The following GRIP2 variants were observed in gnomAD, a reference collection of about 807,000 sequenced individuals.
The protein encoded by GRIP2 is glutamate receptor interacting protein 2, also known as glutamate receptor-interacting protein 2.
A neutral mutation model predicts 108.3 loss-of-function variants in GRIP2; 58 were observed. The ratio of observed to expected loss-of-function variants is 0.54; its 90% confidence interval spans 0.43 to 0.67. GRIP2 has a LOEUF of 0.67. Among genes scored for constraint, GRIP2 ranks in the 30% least tolerant of loss-of-function variants. The pLI is 0.00. For missense variants in GRIP2, 1,278 were observed against 1,430.6 expected, an observed-to-expected ratio of 0.89 and a Z score of 1.72; for synonymous variants, 586 against 598.2, an observed-to-expected ratio of 0.98 and a Z score of 0.30.
At chr3:14,508,168 T>C (rs947711311) in intron 17 of GRIP2, among the ~76,000 whole-genome samples, 1 of 152,212 alleles carries the variant, frequency 6.6e-6, no homozygotes. Flanking sequence ...TTCCTGGGCC[T>C]CAGTTTTCCC....
chr3:14,591,519 T>C, the GRIP2 span, among the ~76,000 whole-genome samples: 3 of 152,022 alleles, frequency 2.0e-5, no homozygotes, highest in Non-Finnish European at 4.4e-5. Flanking sequence ...GGAAGATAAA[T>C]GAAATGATAT....
the GRIP2 span, chr3:14,574,183 A>C: frequency 2.3e-6 from 2 of 885,204 alleles, no homozygotes; most frequent in Non-Finnish European, 3.9e-6. Context: ...AAGTGCACGA[A>C]GGTGAGCCAG....
chr3:14,556,894 AG>A (rs995514515), upstream of GRIP2, among the ~76,000 whole-genome samples: 1 of 152,224 alleles, frequency 6.6e-6, no homozygotes, highest in Non-Finnish European at 1.5e-5. Context: ...AGGTGGCTCT[AG>A]AACCCCAGGT....
chr3:14,511,450 TC>T lies in GRIP2; in HGVS notation c.1749del (p.Ile584SerfsTer50). The T allele has an allele frequency of 6.2e-7, 1 of 1,613,764 alleles. No individual in the cohort carries two copies. The highest frequency in any genetic ancestry group is 8.5e-7 in the Non-Finnish European group (1 of 1,179,882). The part of the protein sequence containing the change: ...SSASRKRGEP[L>X]IISDIKKGSV... ...CTGCCTTTCTTGATGTCGGAGATGATCAAGGGCTCCCCTCGTTTCCTGCTGG... is the reference window on the plus strand; with the variant it reads ...CTGCCTTTCTTGATGTCGGAGATGATAAGGGCTCCCCTCGTTTCCTGCTGG... On this transcript the variant is annotated frameshift_variant, in exon 15 of 24. Transcript: ENST00000621039. LOFTEE classifies it high-confidence loss of function. This position sits in a 1 kb window ranked among gnomAD's most constrained non-coding sequence, Gnocchi z 4.1.
the GRIP2 span, among the ~76,000 whole-genome samples, chr3:14,564,206 G>C: frequency 6.6e-6 from 1 of 152,264 alleles, no homozygotes; most frequent in Admixed American, 6.5e-5. Flanking sequence ...TGGCATGTCT[G>C]TTAATATTCC....
chr3:14,584,627 G>C, the GRIP2 span, among the ~76,000 whole-genome samples: 4 of 152,214 alleles, frequency 2.6e-5, no homozygotes, highest in African/African-American at 9.6e-5. Flanking sequence ...TATGGGCGGA[G>C]GAGGGGCTCC....
chr3:14,549,873 C>T (rs971615617), intron 1 of GRIP2, among the ~76,000 whole-genome samples: 5 of 152,178 alleles, frequency 3.3e-5, no homozygotes, highest in Non-Finnish European at 5.9e-5. Context: ...GCTTGGTGGA[C>T]GTGGTGATCA....
In GRIP2 at chr3:14,517,762, G is replaced by A; in HGVS notation, c.1156+10C>T. ...AGACTGGCTGAGCTACAGCAGGGCA[G>A]GCACATTACATCGGCTTTGGTCCTG... On this transcript the variant is annotated intron_variant, in intron 10 of 23. Coordinates refer to ENST00000621039, the MANE Select transcript of GRIP2 (RefSeq NM_001080423.4). 8 of 1,610,388 alleles carry A rather than the reference G, an allele frequency of 5.0e-6. No individual in the cohort carries two copies. The South Asian group carries it at 7.8e-5, about 16-fold the overall frequency.
intron 1 of GRIP2, among the ~76,000 whole-genome samples, chr3:14,538,721 CAG>C (rs1318680830): frequency 1.1e-4 from 17 of 152,160 alleles, no homozygotes; most frequent in African/African-American, 3.6e-4. Context: ...GAGAAAATGT[CAG>C]AGAGGTCAGG....
At position 14,493,555 on chromosome 3, in the gene GRIP2, G is replaced by A; in HGVS notation, c.*110C>T. 7.8e-7 allele frequency: 1 copy of A among 1,284,102 alleles called. No homozygotes were observed. Among genetic ancestry groups the A allele is most frequent in the Non-Finnish European group, 1.1e-6 (1 of 948,570 alleles). 79.5% of individuals were successfully genotyped at this position (1,284,102 alleles called of 1,614,324 possible). Reference sequence around the variant, plus strand: ...AAGCATCATCCCAGGCTCAGAGTCTGCCAGACCAACAGATGAATGAGTGGG... The same window carrying A: ...AAGCATCATCCCAGGCTCAGAGTCTACCAGACCAACAGATGAATGAGTGGG... On this transcript the variant is annotated 3_prime_UTR_variant, in exon 24 of 24. Coordinates refer to ENST00000621039, the MANE Select transcript of GRIP2 (RefSeq NM_001080423.4).
At chr3:14,500,982 A>G (rs1451414629) in intron 21 of GRIP2, among the ~76,000 whole-genome samples, 1 of 152,240 alleles carries the variant, frequency 6.6e-6, no homozygotes, top group Non-Finnish European at 1.5e-5. Context: ...CCAAGTTCAG[A>G]AAATATATTG....
rs1160900563 is a variant in GRIP2 at position 14,511,529 on chromosome 3, TG to T, written c.1721-51del. On this transcript the variant is annotated intron_variant, in intron 14 of 23. Transcript: ENST00000621039. This position sits in a 1 kb window ranked among gnomAD's most constrained non-coding sequence, Gnocchi z 4.1. Reference sequence around the variant, plus strand: ...TGACCTTGGTGGCCTCAGCCTGGGGTGGGGTGGCGAAGCCCAGGGGTCTGAG... The same window carrying T: ...TGACCTTGGTGGCCTCAGCCTGGGGTGGGTGGCGAAGCCCAGGGGTCTGAG... The T allele has an allele frequency of 6.3e-7, 1 of 1,591,118 alleles. No homozygotes were observed. Among genetic ancestry groups the T allele is most frequent in the East Asian group, 2.2e-5 (1 of 44,666 alleles).
chr3:14,573,711 T>A, the GRIP2 span: 1 of 1,421,400 alleles, frequency 7.0e-7, no homozygotes. Context: ...CTTGGTAATG[T>A]CTTCTGGCCA....
chr3:14,517,555 G>A (rs1450518324), intron 10 of GRIP2, among the ~76,000 whole-genome samples: 1 of 142,300 alleles, frequency 7.0e-6, no homozygotes, highest in Non-Finnish European at 1.5e-5. Flanking sequence ...AGGCTGAAGT[G>A]CGGCGGTGTG....
the GRIP2 span, among the ~76,000 whole-genome samples, chr3:14,562,036 G>T: frequency 2.0e-5 from 3 of 152,220 alleles, no homozygotes; most frequent in Admixed American, 6.5e-5. Flanking sequence ...AATGACAGAT[G>T]TAACAGATAA....
chr3:14,602,612 C>A, the GRIP2 span, among the ~76,000 whole-genome samples: 1 of 151,776 alleles, frequency 6.6e-6, no homozygotes, highest in Non-Finnish European at 1.5e-5. This position sits in a 1 kb window ranked among gnomAD's most constrained non-coding sequence, Gnocchi z 4.7. Flanking sequence ...GATGCCCCCT[C>A]GAGGGCTCAG....
At position 14,514,351 on chromosome 3, in the gene GRIP2, G is replaced by T; in HGVS notation, c.1434C>A (p.Thr478=). ...GLQLQGGIFA[T]ETLSSPPLVC... Reference sequence around the variant, plus strand: ...CGAGGGGTGGGGAGGACAGGGTCTCGGTGGCGAAGATGCCGCCCTGGAGCT... The same window carrying T: ...CGAGGGGTGGGGAGGACAGGGTCTCTGTGGCGAAGATGCCGCCCTGGAGCT... Residue 478 remains threonine, a synonymous_variant, in exon 12 of 24, where the codon ACC becomes ACA. Coordinates refer to ENST00000621039, the MANE Select transcript of GRIP2 (RefSeq NM_001080423.4). 1 of 1,577,910 alleles carries T rather than the reference G, an allele frequency of 6.3e-7. No individual in the cohort carries two copies.
At chr3:14,575,838 G>C in the GRIP2 span, among the ~76,000 whole-genome samples, 19 of 152,342 alleles carry the variant, frequency 1.2e-4, no homozygotes, top group African/African-American at 4.6e-4. Context: ...AGGAGAAAAG[G>C]GAAGCTTCAG....
At chr3:14,588,228 T>C in the GRIP2 span, among the ~76,000 whole-genome samples, 1 of 151,980 alleles carries the variant, frequency 6.6e-6, no homozygotes, top group African/African-American at 2.4e-5. Context: ...CAGTCAAGAG[T>C]TGTTTAGTGA....
Sources: allele counts gnomAD v4.1 joint callset (sites outside exome capture counted in the v4.1 genomes callset), GRCh38; gene constraint gnomAD v4.1.1; non-coding constraint Gnocchi (gnomAD v3.1); transcripts MANE v1.5; gene names NCBI Gene and HGNC (gene_info 2026-07-23, HGNC 2026-07-21).